FSIP2: variants seen among roughly 807,000 people sequenced by gnomAD.
The protein encoded by FSIP2 is fibrous sheath interacting protein 2.
FSIP2 carries 367 observed loss-of-function variants against 510.5 expected under a neutral mutation model. That is an observed-to-expected ratio of 0.72 (90% CI 0.66 to 0.78). The LOEUF is 0.78. FSIP2 is among the 30% of genes least tolerant of loss of function. The probability of loss-of-function intolerance (pLI) is 0.00; values close to 1 mark genes in which losing one functional copy is unlikely to be tolerated. For missense variants in FSIP2, 7,594 were observed against 7,901.7 expected (o/e 0.96, Z 1.48); for synonymous variants, 2,601 against 2,732.2 (o/e 0.95, Z 1.50).
intron 8 of FSIP2, 126 bp from the exon 9 acceptor site, chr2:185,756,066 C>T (rs1364340190): frequency 1.9e-5 from 7 of 360,938 alleles, no homozygotes; most frequent in Non-Finnish European, 3.5e-5. Flanking sequence ...CAATTTTTCT[C>T]GCAATCCCAC....
At chr2:185,759,084 G>A (rs974486305) in intron 9 of FSIP2, among the ~76,000 whole-genome samples, 11 of 151,044 alleles carry the variant, frequency 7.3e-5, no homozygotes, top group African/African-American at 2.7e-4. Context: ...CAGCAGTGGT[G>A]ATTGTGTACA....
chr2:185,815,279 TAAAA>T, intron 18 of FSIP2, 88 bp from the exon 19 acceptor site: 1 of 651,308 alleles, frequency 1.5e-6, no homozygotes. Flanking sequence ...TTTTTTCCAT[TAAAA>T]TGTAGATTAT....
In FSIP2 at chr2:185,763,810, A is replaced by C. The variant is rs796544198; in HGVS notation, c.1347+521A>C. Among the ~76,000 whole-genome samples, 6 of 151,676 alleles carry C rather than the reference A, an allele frequency of 4.0e-5. No individual in the cohort carries two copies. The East Asian group carries it at 9.7e-4, about 25-fold the overall frequency. On this transcript the variant is annotated intron_variant, in intron 12 of 22. Coordinates refer to ENST00000424728, the MANE Select transcript of FSIP2 (RefSeq NM_173651.4). ...ATTATTTCCAAAAGAATTCTTCATA[A>C]CTAGAGTAGAAAGTGGCATCATTTT...
chr2:185,741,426 G>A (rs2105525589), intron 2 of FSIP2, among the ~76,000 whole-genome samples: 1 of 152,294 alleles, frequency 6.6e-6, no homozygotes, highest in African/African-American at 2.4e-5. Context: ...CAAATGGGTG[G>A]ATTTGTTTAA....
rs116673305 is a variant in FSIP2 at position 185,741,207 on chromosome 2, T to A, written c.225+1736T>A. ...TGCCATTTTCTCTGTCGACCATTAATTCACTTGTCTACTACTTTTCAAAAA... is the reference window on the plus strand; with the variant it reads ...TGCCATTTTCTCTGTCGACCATTAAATCACTTGTCTACTACTTTTCAAAAA... On this transcript the variant is annotated intron_variant, in intron 2 of 22. Coordinates refer to ENST00000424728, the MANE Select transcript of FSIP2 (RefSeq NM_173651.4). 2.4e-3 allele frequency among the ~76,000 whole-genome samples: 361 copies of A among 152,344 alleles called. 2 individuals carry two copies. The highest frequency in any genetic ancestry group is 4.2e-3 in the Non-Finnish European group (286 of 68,028).
In FSIP2 at chr2:185,790,572, C is replaced by G; in HGVS notation, c.3436C>G (p.Gln1146Glu). ...EASVLVSEKP[Q>E]GLSHQEWIDQ... ...TTCAGTTCTTGTTTCAGAAAAGCCTCAAGGACTGTCACATCAAGAATGGAT... is the reference window on the plus strand; with the variant it reads ...TTCAGTTCTTGTTTCAGAAAAGCCTGAAGGACTGTCACATCAAGAATGGAT... Residue 1146 changes from glutamine to glutamate, a missense_variant, in exon 16 of 23, where the codon CAA becomes GAA. Physicochemically the swap from Gln to Glu is conservative, Grantham distance 29 (BLOSUM62 2). Coordinates refer to ENST00000424728, the MANE Select transcript of FSIP2 (RefSeq NM_173651.4). 6.5e-7 allele frequency: 1 copy of G among 1,533,798 alleles called. No homozygotes were observed. Among genetic ancestry groups the G allele is most frequent in the Non-Finnish European group, 8.7e-7 (1 of 1,145,488 alleles).
intron 13 of FSIP2, among the ~76,000 whole-genome samples, chr2:185,771,182 C>T (rs775019524): frequency 6.6e-6 from 1 of 152,208 alleles, no homozygotes; most frequent in Non-Finnish European, 1.5e-5. Context: ...TGGCAAGCTG[C>T]TGGTGGCTGT....
At chr2:185,820,520 T>C (rs1693895643) in intron 19 of FSIP2, among the ~76,000 whole-genome samples, 1 of 151,366 alleles carries the variant, frequency 6.6e-6, no homozygotes, top group Non-Finnish European at 1.5e-5. Context: ...TATAAAACAA[T>C]AGCAAAATAC....
intron 16 of FSIP2, among the ~76,000 whole-genome samples, chr2:185,798,951 T>A (rs144948967): frequency 2.0e-5 from 3 of 151,966 alleles, no homozygotes; most frequent in African/African-American, 7.2e-5. Context: ...GCTTAAAGTC[T>A]TCTATCTGTG....
Position 185,806,617 on chromosome 2 carries a change from C to T in FSIP2, c.17311C>T (p.Pro5771Ser), listed in dbSNP as rs1693585707. 6.2e-7 allele frequency: 1 copy of T among 1,608,524 alleles called. No homozygotes were observed. Among genetic ancestry groups the T allele is most frequent in the Non-Finnish European group, 8.5e-7 (1 of 1,178,022 alleles). Residue 5771 changes from proline (P) to serine (S), a missense_variant, in exon 17 of 23, where the codon CCT becomes TCT. By Grantham distance (74) the Pro-to-Ser change is moderately conservative. Transcript: ENST00000424728. ...AAGTGAACCCAGTAAACCAGATGAT[C>T]CTCAAAACCAACGAGAAAGTAAACC... ...IKSEPSKPDDPQNQRESKPGI... is the reference protein window; with the variant it reads ...IKSEPSKPDDSQNQRESKPGI...
Position 185,805,018 on chromosome 2 carries a change from C to A in FSIP2, c.15712C>A (p.Pro5238Thr), listed in dbSNP as rs776835428. 338 of 1,591,746 alleles carry A rather than the reference C, an allele frequency of 2.1e-4. No individual in the cohort carries two copies. The highest frequency in any genetic ancestry group is 2.6e-4 in the Non-Finnish European group (309 of 1,173,116). The change falls in exon 17 of 23, where the codon CCA (proline) becomes ACA (threonine). Residue 5238 changes from proline (P) to threonine (T), a missense_variant. Coordinates refer to ENST00000424728, the MANE Select transcript of FSIP2 (RefSeq NM_173651.4). Reference protein sequence around the residue: ...MKEIMYHHLQPFLHGEESSFS... With the variant: ...MKEIMYHHLQTFLHGEESSFS... ...AGAAATCATGTATCATCATTTACAG[C>A]CATTTTTACATGGTGAAGAATCATC... is the stretch of plus-strand genomic sequence containing the variant.
chr2:185,763,092 G>C (rs1285964518), intron 11 of FSIP2, 91 bp from the exon 12 acceptor site: 2 of 654,682 alleles, frequency 3.1e-6, no homozygotes, highest in South Asian at 3.4e-5. Context: ...GCTGAGCAGG[G>C]AGAATGTTGG....
rs1284281644 is a variant in FSIP2, at chr2:185,788,778, G to C, written c.1642G>C (p.Asp548His). The C allele has an allele frequency of 6.5e-7, 1 of 1,534,342 alleles. No individual in the cohort carries two copies. Among genetic ancestry groups the C allele is most frequent in the East Asian group, 2.4e-5 (1 of 40,860 alleles). ...AAATAATACATACCCAGTATCTGAT[G>C]ACTCCATCCTCTCTTCAGATAGTTC... ...LQNNTYPVSD[D>H]SILSSDSSSF... The change falls in exon 16 of 23, where the codon GAC becomes CAC. Residue 548 changes from aspartate to histidine, a missense_variant. Physicochemically the swap from Asp to His is moderately conservative, Grantham distance 81. Transcript: ENST00000424728.
chr2:185,792,531 G>T lies in FSIP2; in HGVS notation c.5395G>T (p.Val1799Phe). The change falls in exon 16 of 23, where the codon GTC becomes TTC. Residue 1799 changes from valine to phenylalanine, a missense_variant. Val to Phe is a conservative substitution (Grantham distance 50). Coordinates refer to ENST00000424728, the MANE Select transcript of FSIP2 (RefSeq NM_173651.4). Reference sequence around the variant, plus strand: ...AAGTACTTTAATCAATCAATTAAATGTCCTTTCTCTCTCCCACTCTAATTT... The same window carrying T: ...AAGTACTTTAATCAATCAATTAAATTTCCTTTCTCTCTCCCACTCTAATTT... ...FQSTLINQLNVLSLSHSNFNG... is the reference protein window; with the variant it reads ...FQSTLINQLNFLSLSHSNFNG... 1 of 1,530,098 alleles carries T rather than the reference G, an allele frequency of 6.5e-7. No homozygotes were observed. The highest frequency in any genetic ancestry group is 8.8e-7 in the Non-Finnish European group (1 of 1,142,350). 94.8% of individuals were successfully genotyped at this position (1,530,098 alleles called of 1,614,324 possible).
rs1208123814 is a variant in FSIP2 at position 185,745,461 on chromosome 2, G to A, written c.510G>A (p.Pro170=). Residue 170 remains proline, a synonymous_variant, in exon 5 of 23, where the codon CCG becomes CCA. Transcript: ENST00000424728. ...RILAKQLHNI[P]ENNQIPQHCD... ...TTGCAAAACAACTACATAACATACC[G>A]GAAAACAATCAAATCCCTCAACATT... is the stretch of plus-strand genomic sequence containing the variant. 17 of 1,533,798 alleles carry A rather than the reference G, an allele frequency of 1.1e-5. No homozygotes were observed. Among genetic ancestry groups the A allele is most frequent in the East Asian group, 4.9e-5 (2 of 40,820 alleles).
intron 19 of FSIP2, among the ~76,000 whole-genome samples, chr2:185,822,311 A>C (rs1693937854): frequency 6.6e-6 from 1 of 152,004 alleles, no homozygotes; most frequent in African/African-American, 2.4e-5. Context: ...ATAATGTAGA[A>C]ACCCCTGAAG....
rs1553493311 is a variant in FSIP2 at position 185,751,486 on chromosome 2, T to TGTGTGTGTGCGC, written c.871-2227_871-2226insCGCGTGTGTGTG. ...CTGTGTGTGTGTGTGTGTGTGTGTG[T>TGTGTGTGTGCGC]GTGTGTGTGTGTGGTTACTACTCAT... On this transcript the variant is annotated intron_variant, in intron 7 of 22. Coordinates refer to ENST00000424728, the MANE Select transcript of FSIP2 (RefSeq NM_173651.4). 4.5e-4 allele frequency among the ~76,000 whole-genome samples: 68 copies of TGTGTGTGTGCGC among 149,680 alleles called. No homozygotes were observed. The Middle Eastern group carries it at 0.014, about 30-fold the overall frequency.
intron 15 of FSIP2, chr2:185,787,975 G>A (rs1693028931): frequency 6.6e-6 from 1 of 150,884 alleles, no homozygotes; most frequent in Non-Finnish European, 1.5e-5. Context: ...TGTATTATTT[G>A]TATTTATTTG....
intron 13 of FSIP2, among the ~76,000 whole-genome samples, chr2:185,781,517 C>CCAT (rs1692848758): frequency 6.6e-6 from 1 of 152,152 alleles, no homozygotes; most frequent in Admixed American, 6.6e-5. Flanking sequence ...TTTTAATTCT[C>CCAT]CATCTTTTGG....
Sources: gnomAD v4.1 joint callset for allele counts (sites outside exome capture counted in the v4.1 genomes callset) on GRCh38, gnomAD v4.1.1 for gene constraint, MANE v1.5 for transcripts, NCBI Gene and HGNC (gene_info 2026-07-23, HGNC 2026-07-21) for gene names.